Variants in ZFR observed in about 807,000 individuals in gnomAD.
ZFR encodes the protein zinc finger RNA binding protein.
In ZFR, 19 loss-of-function variants were observed where a neutral mutation model predicts 130.7. The ratio of observed to expected loss-of-function variants is 0.15; its 90% CI spans 0.10 to 0.21. The LOEUF is 0.21. ZFR is among the 10% of genes least tolerant of loss of function. The pLI, the probability that ZFR is intolerant of heterozygous loss-of-function variation, is 1.00. For missense variants in ZFR, 872 were observed against 1,321.5 expected, an observed-to-expected ratio of 0.66 and a Z score of 5.27; for synonymous variants, 466 against 456.9, an observed-to-expected ratio of 1.02 and a Z score of -0.25.
In ZFR at chr5:32,415,485, A is replaced by AGTGTGTGTGTGTGT. The variant is rs3065262; in HGVS notation, c.566-312_566-299dup. Among the ~76,000 whole-genome samples the AGTGTGTGTGTGTGT allele has an allele frequency of 3.1e-3, 424 of 136,282 alleles. 1 individual carries two copies. Among genetic ancestry groups the AGTGTGTGTGTGTGT allele is most frequent in the African/African-American group, 7.6e-3 (277 of 36,286 alleles). The allele number at this position is 136,282 out of a possible 152,430, so 89.4% of individuals were successfully genotyped here. On this transcript the variant is annotated intron_variant, in intron 4 of 19. Coordinates refer to ENST00000265069, the MANE Select transcript of ZFR (RefSeq NM_016107.5). The stretch of plus-strand genomic sequence containing the variant: ...CACTAAACAAACTTTTCTGAAAAGG[A>AGTGTGTGTGTGTGT]GTGTGTGTGTGTGTGTGTGTGTGTG...
chr5:32,369,691 AG>A (rs1317408792), intron 17 of ZFR, among the ~76,000 whole-genome samples: 1 of 152,090 alleles, frequency 6.6e-6, no homozygotes, highest in Non-Finnish European at 1.5e-5. Context: ...ATGCACCTAC[AG>A]TCCTATGTAC....
chr5:32,356,671 G>A (rs1271499470), intron 19 of ZFR, among the ~76,000 whole-genome samples: 2 of 151,760 alleles, frequency 1.3e-5, no homozygotes, highest in African/African-American at 2.4e-5. Flanking sequence ...CGCCCGCCTC[G>A]GCCTCCCAAA....
intron 2 of ZFR, among the ~76,000 whole-genome samples, chr5:32,433,598 A>C (rs1754267704): frequency 6.6e-6 from 1 of 152,248 alleles, no homozygotes; most frequent in African/African-American, 2.4e-5. Flanking sequence ...ATTTTGTTAA[A>C]GAGATGGCCA....
At chr5:32,356,476 G>A (rs1275903772) in intron 19 of ZFR, among the ~76,000 whole-genome samples, 4 of 151,602 alleles carry the variant, frequency 2.6e-5, no homozygotes, top group African/African-American at 7.3e-5. Context: ...GCAGTGGTGC[G>A]AGCTTGGCTC....
At chr5:32,439,344 T>C (rs762626886) in intron 2 of ZFR, among the ~76,000 whole-genome samples, 4 of 152,222 alleles carry the variant, frequency 2.6e-5, no homozygotes, top group African/African-American at 9.6e-5. Context: ...ACCTTACTAG[T>C]GTTACTTTTA....
chr5:32,428,367 T>C (rs1754122958), intron 2 of ZFR, among the ~76,000 whole-genome samples: 1 of 152,034 alleles, frequency 6.6e-6, no homozygotes, highest in Non-Finnish European at 1.5e-5. Flanking sequence ...TGAGCCGAGA[T>C]CATGCCACTG....
intron 2 of ZFR, among the ~76,000 whole-genome samples, chr5:32,443,150 G>GA (rs989063516): frequency 3.3e-5 from 5 of 151,862 alleles, no homozygotes; most frequent in Admixed American, 3.3e-4. Context: ...TAAATCAAAT[G>GA]AAAAAAACTG....
In ZFR at chr5:32,355,777, CT is replaced by C; in HGVS notation, c.3207del (p.Asp1070IlefsTer10). On this transcript the variant is annotated frameshift_variant, in exon 20 of 20. Transcript: ENST00000265069. LOFTEE classifies it high-confidence loss of function. ...GFEAEGKKDK[K>X]DYDNF ...GACACTTTTTAAAAGTTATCATAAT[CT>C]TTTTTGTCTTTTTTCCCCTCAGCTT... 6.3e-7 allele frequency: 1 copy of C among 1,586,032 alleles called. No individual in the cohort carries two copies. Among genetic ancestry groups the C allele is most frequent in the Admixed American group, 1.9e-5 (1 of 53,054 alleles).
intron 16 of ZFR, chr5:32,379,764 GAATAT>G (rs1342610544): frequency 8.8e-6 from 2 of 227,220 alleles, no homozygotes; most frequent in Non-Finnish European, 8.7e-6. Context: ...CAGCCTTATG[GAATAT>G]AATATATATA....
chr5:32,404,208 A>G (rs1394631681), intron 6 of ZFR, 111 bp from the exon 7 acceptor site: 13 of 923,172 alleles, frequency 1.4e-5, no homozygotes, highest in Non-Finnish European at 2.1e-5. Context: ...ACCAAAACAA[A>G]CTTTTTAAGT....
intron 2 of ZFR, among the ~76,000 whole-genome samples, chr5:32,426,904 GAA>G (rs373216038): frequency 7.5e-6 from 1 of 132,976 alleles, no homozygotes; most frequent in African/African-American, 2.8e-5. Flanking sequence ...CACTCTTTCT[GAA>G]AAAAAAAAAA....
In ZFR at chr5:32,402,449, T is replaced by C. The variant is rs190182275; in HGVS notation, c.1516+657A>G. Among the ~76,000 whole-genome samples the C allele has an allele frequency of 6.6e-4, 100 of 151,772 alleles. 1 individual carries two copies. In the East Asian group the frequency reaches 0.012, roughly 18 times the overall value. Reference sequence around the variant, plus strand: ...TAGAAACACTATAGCAGACTGAGGATTGGGTAGGAAGTACAGACGTAGAGA... The same window carrying C: ...TAGAAACACTATAGCAGACTGAGGACTGGGTAGGAAGTACAGACGTAGAGA... On this transcript the variant is annotated intron_variant, in intron 8 of 19. Transcript: ENST00000265069.
At chr5:32,389,313 C>A (rs1405295808) in intron 12 of ZFR, among the ~76,000 whole-genome samples, 1 of 152,070 alleles carries the variant, frequency 6.6e-6, no homozygotes, top group African/African-American at 2.4e-5. Context: ...TTCTAAGCCA[C>A]TGGTAATGGA....
intron 15 of ZFR, among the ~76,000 whole-genome samples, chr5:32,382,080 T>A (rs561104140): frequency 6.6e-6 from 1 of 152,208 alleles, no homozygotes; most frequent in Non-Finnish European, 1.5e-5. Flanking sequence ...GGCAGGTGGA[T>A]CATCTGAGGT....
Position 32,406,909 on chromosome 5 carries a change from TGCAGCA to T in ZFR, c.891_896del (p.Ala298_Ala299del), listed in dbSNP as rs746629041. The T allele has an allele frequency of 1.2e-6, 2 of 1,610,420 alleles. No individual in the cohort carries two copies. Among genetic ancestry groups the T allele is most frequent in the East Asian group, 2.2e-5 (1 of 44,820 alleles). ...AGGTGGTCCCTGTCCAGGCAGCTGT[TGCAGCA>T]GCAGCAGCAGCTGCTGCTGCTGCCT... is the stretch of plus-strand genomic sequence containing the variant. On this transcript the variant is annotated inframe_deletion, in exon 6 of 20. Transcript: ENST00000265069.
chr5:32,406,765 CG>C lies in ZFR; in HGVS notation c.1032+8del. The C allele has an allele frequency of 6.2e-7, 1 of 1,605,472 alleles. No individual in the cohort carries two copies. Among genetic ancestry groups the C allele is most frequent in the East Asian group, 2.2e-5 (1 of 44,840 alleles). ...TGAAGACTCAAGGTAAAACATACAA[CG>C]TAAGTACCTGTGGTCCAGCACAGCT... On this transcript the variant is annotated splice_region_variant and intron_variant, in intron 6 of 19. Coordinates refer to ENST00000265069, the MANE Select transcript of ZFR (RefSeq NM_016107.5).
At chr5:32,386,563 C>G (rs1753050661) in intron 14 of ZFR, among the ~76,000 whole-genome samples, 1 of 151,968 alleles carries the variant, frequency 6.6e-6, no homozygotes, top group Non-Finnish European at 1.5e-5. Context: ...TTTTATTTTC[C>G]CCCTTCATTG....
intron 14 of ZFR, among the ~76,000 whole-genome samples, chr5:32,386,122 T>C (rs952117914): frequency 4.6e-5 from 7 of 152,076 alleles, no homozygotes; most frequent in Non-Finnish European, 1.0e-4. Flanking sequence ...AGACAGGTAA[T>C]AAGCTCCATT....
rs11446399 is a variant in ZFR at position 32,439,804 on chromosome 5, T to TAAAA, written c.137+4421_137+4424dup. 5.4e-4 allele frequency among the ~76,000 whole-genome samples: 39 copies of TAAAA among 72,434 alleles called. 1 individual carries two copies. The highest frequency in any genetic ancestry group is 4.1e-4 in the African/African-American group (8 of 19,730). 47.5% of individuals were successfully genotyped at this position (72,434 alleles called of 152,430 possible). A position where few individuals can be genotyped will look rare whatever the true frequency, so the allele number is the denominator to read the frequency against. On this transcript the variant is annotated intron_variant, in intron 2 of 19. Coordinates refer to ENST00000265069, the MANE Select transcript of ZFR (RefSeq NM_016107.5). ...GGGTGAGAGAGCGAGACCATGTCTT[T>TAAAA]AAAAAAAAAAAAAAAAAAAAAAAAG...
Sources: gnomAD v4.1 joint callset for allele counts (sites outside exome capture counted in the v4.1 genomes callset) on GRCh38, gnomAD v4.1.1 for gene constraint, MANE v1.5 for transcripts, NCBI Gene and HGNC (gene_info 2026-07-23, HGNC 2026-07-21) for gene names.